The following PKIG variants were observed in gnomAD, a reference collection of about 807,000 sequenced individuals.
PKIG encodes the protein cAMP-dependent protein kinase inhibitor gamma.
In PKIG, 1 loss-of-function variant was observed where a neutral mutation model predicts 6.8. That is an observed-to-expected ratio of 0.15 (90% CI 0.05 to 0.69). The LOEUF (loss-of-function observed/expected upper bound fraction) is 0.69. Ranked by LOEUF, PKIG falls within the 30% of genes least tolerant of loss-of-function variation. The probability of loss-of-function intolerance (pLI) is 0.82; values close to 1 mark genes in which losing one functional copy is unlikely to be tolerated. For missense variants in PKIG, 77 were observed against 104.0 expected, an observed-to-expected ratio of 0.74 and a Z score of 1.13; for synonymous variants, 39 against 43.0, an observed-to-expected ratio of 0.91 and a Z score of 0.36.
chr20:44,614,832 G>A lies in PKIG; in HGVS notation c.151+125G>A. The A allele has an allele frequency of 1.0e-6, 1 of 962,744 alleles. No individual in the cohort carries two copies. Among genetic ancestry groups the A allele is most frequent in the Middle Eastern group, 3.3e-4 (1 of 3,034 alleles). 59.6% of individuals were successfully genotyped at this position (962,744 alleles called of 1,614,324 possible). On this transcript the variant is annotated intron_variant, in intron 3 of 3. Transcript: ENST00000372886. The surrounding 1 kb of genome is among the most constrained non-coding windows in gnomAD (Gnocchi z 4.6). ...AAGAAACCACATTTAAGTCAGGCCTGCCCCATGGTCAGTGGCAGAGTCCAG... is the reference window on the plus strand; with the variant it reads ...AAGAAACCACATTTAAGTCAGGCCTACCCCATGGTCAGTGGCAGAGTCCAG...
At chr20:44,568,985 G>A (rs1284479127) in intron 1 of PKIG, among the ~76,000 whole-genome samples, 1 of 152,172 alleles carries the variant, frequency 6.6e-6, no homozygotes, top group Non-Finnish European at 1.5e-5. Context: ...TTAGATGTAA[G>A]ATGAGTGGGT....
At chr20:44,542,411 T>C (rs1194479890) in intron 1 of PKIG, among the ~76,000 whole-genome samples, 1 of 145,366 alleles carries the variant, frequency 6.9e-6, no homozygotes, top group Admixed American at 6.9e-5. Context: ...GAATGAAACT[T>C]AAAAAAAAAA....
At chr20:44,562,029 C>G (rs1197634252) in intron 1 of PKIG, among the ~76,000 whole-genome samples, 1 of 152,090 alleles carries the variant, frequency 6.6e-6, no homozygotes, top group Non-Finnish European at 1.5e-5. Flanking sequence ...TGGTGCATGC[C>G]TGTAGTCCAA....
intron 1 of PKIG, among the ~76,000 whole-genome samples, chr20:44,583,546 A>C (rs2064965407): frequency 1.3e-5 from 2 of 152,204 alleles, no homozygotes; most frequent in African/African-American, 4.8e-5. Context: ...GCAGTGTGCT[A>C]ACAGGGGAGG....
intron 2 of PKIG, among the ~76,000 whole-genome samples, chr20:44,610,166 C>CT (rs2065201594): frequency 6.6e-6 from 1 of 152,142 alleles, no homozygotes; most frequent in African/African-American, 2.4e-5. Flanking sequence ...CAGGGTGCGC[C>CT]ATCTGCTGTA....
intron 2 of PKIG, among the ~76,000 whole-genome samples, chr20:44,593,556 T>C (rs770327112): frequency 7.3e-5 from 11 of 151,580 alleles, no homozygotes; most frequent in Non-Finnish European, 1.5e-4. Flanking sequence ...TCTAAAAGAG[T>C]TGAACTAAGA....
chr20:44,588,528 C>T (rs1344837375), intron 1 of PKIG, among the ~76,000 whole-genome samples: 1 of 152,068 alleles, frequency 6.6e-6, no homozygotes, highest in African/African-American at 2.4e-5. Flanking sequence ...CCTGCAGTCC[C>T]AGCTACTTGG....
chr20:44,596,788 C>T (rs1346413362), intron 2 of PKIG, among the ~76,000 whole-genome samples: 1 of 152,218 alleles, frequency 6.6e-6, no homozygotes, highest in Non-Finnish European at 1.5e-5. Flanking sequence ...AAGGGCTTCA[C>T]TCACCCTACA....
upstream of PKIG, among the ~76,000 whole-genome samples, chr20:44,577,930 G>A (rs1884553818): frequency 6.6e-6 from 1 of 152,172 alleles, no homozygotes; most frequent in African/African-American, 2.4e-5. Flanking sequence ...GGCCCTGGTG[G>A]GAGGTGTGTG....
At chr20:44,543,569 G>A (rs775305506) in intron 1 of PKIG, among the ~76,000 whole-genome samples, 2 of 152,050 alleles carry the variant, frequency 1.3e-5, no homozygotes, top group Non-Finnish European at 2.9e-5. Context: ...TATATGTTTT[G>A]GCTGATACAG....
chr20:44,595,594 A>C (rs192192386), intron 2 of PKIG, among the ~76,000 whole-genome samples: 23 of 152,094 alleles, frequency 1.5e-4, no homozygotes, highest in African/African-American at 5.5e-4. Context: ...GCTCACTGCA[A>C]CCTCCGCCTC....
chr20:44,564,809 A>G (rs144453983), intron 1 of PKIG, among the ~76,000 whole-genome samples: 1 of 152,306 alleles, frequency 6.6e-6, no homozygotes, highest in Non-Finnish European at 1.5e-5. Flanking sequence ...CACTCCATTC[A>G]TTTATTATAT....
chr20:44,610,486 TC>T (rs1490015156), intron 2 of PKIG, among the ~76,000 whole-genome samples: 119 of 110,582 alleles, frequency 1.1e-3, no homozygotes, highest in African/African-American at 4.5e-3. Context: ...CTCTCTCTCT[TC>T]TCTCTCTCTC....
intron 1 of PKIG, among the ~76,000 whole-genome samples, chr20:44,572,097 G>A (rs189973561): frequency 5.3e-4 from 80 of 152,266 alleles, no homozygotes; most frequent in African/African-American, 1.8e-3. Flanking sequence ...TCTGCCTCCC[G>A]GGTTCAAGCA....
chr20:44,578,207 G>C (rs775127825), upstream of PKIG, among the ~76,000 whole-genome samples: 2 of 151,778 alleles, frequency 1.3e-5, no homozygotes, highest in Non-Finnish European at 2.9e-5. Flanking sequence ...CGGGCATGGT[G>C]GTGGGCGCCT....
intron 3 of PKIG, among the ~76,000 whole-genome samples, chr20:44,615,048 C>T (rs1463494664): frequency 6.6e-6 from 1 of 152,148 alleles, no homozygotes; most frequent in African/African-American, 2.4e-5. Context: ...TCCCTGGGCT[C>T]CCTACACCCA....
chr20:44,549,037 A>G (rs893883480), intron 1 of PKIG, among the ~76,000 whole-genome samples: 2 of 152,232 alleles, frequency 1.3e-5, no homozygotes, highest in African/African-American at 4.8e-5. Flanking sequence ...TGAGAGTTAT[A>G]TAAACCCAGA....
chr20:44,593,056 G>A (rs6103780), intron 2 of PKIG, among the ~76,000 whole-genome samples: 10 of 151,998 alleles, frequency 6.6e-5, no homozygotes, highest in Non-Finnish European at 8.8e-5. Context: ...AAATATTATA[G>A]GCTGGACATG....
chr20:44,561,746 T>G (rs1352413618), intron 1 of PKIG, among the ~76,000 whole-genome samples: 1 of 152,142 alleles, frequency 6.6e-6, no homozygotes, highest in African/African-American at 2.4e-5. Context: ...GGTAAATAGG[T>G]GGGACTGCGC....
Sources: gnomAD v4.1 joint callset for allele counts (sites outside exome capture counted in the v4.1 genomes callset) on GRCh38, gnomAD v4.1.1 for gene constraint, Gnocchi (gnomAD v3.1) non-coding constraint, MANE v1.5 for transcripts, NCBI Gene and HGNC (gene_info 2026-07-23, HGNC 2026-07-21) for gene names.